Variants in RASAL2 observed in about 807,000 individuals in gnomAD.
The protein encoded by RASAL2 is ras GTPase-activating protein nGAP.
Under a neutral mutation model 128.9 loss-of-function variants are expected in RASAL2, and 58 were observed. The observed-to-expected ratio is 0.45, with a 90% CI of 0.36 to 0.56. The LOEUF (loss-of-function observed/expected upper bound fraction) is 0.56. RASAL2 is among the 20% of genes least tolerant of loss of function. RASAL2 has a pLI of 0.00. For missense variants in RASAL2, 1,360 were observed against 1,601.6 expected (o/e 0.85, Z 2.57); for synonymous variants, 561 against 580.8 (o/e 0.97, Z 0.49).
chr1:178,131,687 A>G (rs1448862728), intron 1 of RASAL2, among the ~76,000 whole-genome samples: 1 of 152,240 alleles, frequency 6.6e-6, no homozygotes, highest in South Asian at 2.1e-4. Flanking sequence ...GCACAAGTTA[A>G]ATGTTAGACT....
At chr1:178,217,877 A>G (rs1003123398) in intron 1 of RASAL2, among the ~76,000 whole-genome samples, 12 of 152,186 alleles carry the variant, frequency 7.9e-5, no homozygotes, top group Non-Finnish European at 1.5e-5. Flanking sequence ...TCTCTTTAGT[A>G]TGCAGTACTG....
intron 3 of RASAL2, among the ~76,000 whole-genome samples, chr1:178,318,037 C>T (rs374470689): frequency 1.3e-5 from 2 of 150,942 alleles, no homozygotes; most frequent in Non-Finnish European, 3.0e-5. Flanking sequence ...TTTCTGCCTT[C>T]ATTTCGTTAT....
chr1:178,235,644 G>A (rs1396680354), intron 1 of RASAL2, among the ~76,000 whole-genome samples: 1 of 152,066 alleles, frequency 6.6e-6, no homozygotes, highest in African/African-American at 2.4e-5. Flanking sequence ...GTATGTATGT[G>A]CAAGTGAGGG....
Position 178,137,765 on chromosome 1 carries a change from T to TA in RASAL2, c.202+43074dup, listed in dbSNP as rs148825847. Reference sequence around the variant, plus strand: ...TCAAATGGTCAACAAAAAGTAGAGTTAAAGATTTTGTGAAATGATTTGTTT... The same window carrying TA: ...TCAAATGGTCAACAAAAAGTAGAGTTAAAAGATTTTGTGAAATGATTTGTTT... On this transcript the variant is annotated intron_variant, in intron 1 of 17. Transcript: ENST00000367649. Among the ~76,000 whole-genome samples the TA allele has an allele frequency of 9.3e-3, 1,419 of 152,340 alleles. 16 individuals are homozygous for TA. The highest frequency in any genetic ancestry group is 0.033 in the African/African-American group (1,356 of 41,570).
intron 3 of RASAL2, among the ~76,000 whole-genome samples, chr1:178,330,249 T>C (rs1669229679): frequency 6.6e-6 from 1 of 152,194 alleles, no homozygotes; most frequent in Non-Finnish European, 1.5e-5. Context: ...TAGATCATAA[T>C]ATGAGTAACA....
At chr1:178,422,621 T>C (rs1171349099) in intron 5 of RASAL2, among the ~76,000 whole-genome samples, 2 of 152,130 alleles carry the variant, frequency 1.3e-5, no homozygotes, top group Non-Finnish European at 2.9e-5. Context: ...AGGTACAAGA[T>C]ATTGATCAGC....
At chr1:178,152,722 A>G (rs1660956188) in intron 1 of RASAL2, among the ~76,000 whole-genome samples, 2 of 152,324 alleles carry the variant, frequency 1.3e-5, no homozygotes, top group South Asian at 2.1e-4. Context: ...AATTTTATAC[A>G]TACACAAAAG....
chr1:178,329,018 T>C (rs1001109504), intron 3 of RASAL2, among the ~76,000 whole-genome samples: 1 of 152,156 alleles, frequency 6.6e-6, no homozygotes, highest in African/African-American at 2.4e-5. Flanking sequence ...ATTCCTCAAA[T>C]ATATATTTTT....
intron 8 of RASAL2, among the ~76,000 whole-genome samples, chr1:178,444,501 A>G (rs1676865695): frequency 6.6e-6 from 1 of 152,146 alleles, no homozygotes; most frequent in African/African-American, 2.4e-5. Flanking sequence ...TATTCCTCCT[A>G]TTTTGGCATT....
At chr1:178,130,656 CAAAAT>C (rs1471165972) in intron 1 of RASAL2, among the ~76,000 whole-genome samples, 6 of 152,156 alleles carry the variant, frequency 3.9e-5, no homozygotes, top group African/African-American at 1.4e-4. Flanking sequence ...TAGGGGGAAA[CAAAAT>C]AAACAAACCT....
intron 15 of RASAL2, 78 bp from the exon 16 acceptor site, chr1:178,465,829 AAAGAAAGAAAGAG>A: frequency 1.9e-6 from 2 of 1,077,488 alleles, no homozygotes; most frequent in South Asian, 2.0e-5. Context: ...AAAAAGAAAA[AAAGAAAGAAAGAG>A]AAAGAAAGAA....
rs190372783 is a variant in RASAL2, at chr1:178,395,265, A to G, written c.564+5059A>G. Among the ~76,000 whole-genome samples, 3 of 152,344 alleles carry G rather than the reference A, an allele frequency of 2.0e-5. No individual in the cohort carries two copies. In the East Asian group the frequency reaches 5.8e-4, roughly 29 times the overall value. On this transcript the variant is annotated intron_variant, in intron 4 of 17. Transcript: ENST00000367649. ...TTTAAAGGTCCCAGATGATTCTAAT[A>G]TGCAGCTAGGGTTGTAAGCCATTTG... is the stretch of plus-strand genomic sequence containing the variant.
At chr1:178,211,012 G>A (rs1189015445) in intron 1 of RASAL2, among the ~76,000 whole-genome samples, 2 of 152,094 alleles carry the variant, frequency 1.3e-5, no homozygotes, top group Admixed American at 6.6e-5. Context: ...TGGGCTAAAG[G>A]GACAGGGATT....
At chr1:178,404,721 G>A (rs1197021819) in intron 4 of RASAL2, among the ~76,000 whole-genome samples, 2 of 130,198 alleles carry the variant, frequency 1.5e-5, no homozygotes, top group African/African-American at 3.0e-5. Context: ...TCGCTCTGTC[G>A]CCCAGGCTGG....
intron 1 of RASAL2, among the ~76,000 whole-genome samples, chr1:178,193,044 T>C (rs1413854630): frequency 6.6e-6 from 1 of 151,968 alleles, no homozygotes; most frequent in Non-Finnish European, 1.5e-5. Context: ...CTTAGTAGGG[T>C]CAAATTTTTA....
chr1:178,249,466 G>A (rs1258059443), intron 1 of RASAL2, among the ~76,000 whole-genome samples: 1 of 151,858 alleles, frequency 6.6e-6, no homozygotes, highest in Non-Finnish European at 1.5e-5. Flanking sequence ...GTTCTTAGCT[G>A]CCTTGCATTG....
intron 3 of RASAL2, among the ~76,000 whole-genome samples, chr1:178,349,868 T>C (rs1670366522): frequency 6.6e-6 from 1 of 152,214 alleles, no homozygotes. Flanking sequence ...CATTGTGAAA[T>C]GTGAAAATAT....
intron 1 of RASAL2, among the ~76,000 whole-genome samples, chr1:178,224,221 A>G (rs1663711704): frequency 6.7e-6 from 1 of 148,302 alleles, no homozygotes; most frequent in Admixed American, 6.7e-5. Flanking sequence ...GGGGAAAACT[A>G]GAATTTTTTT....
At chr1:178,333,297 G>C (rs895435194) in intron 3 of RASAL2, among the ~76,000 whole-genome samples, 1 of 152,168 alleles carries the variant, frequency 6.6e-6, no homozygotes, top group African/African-American at 2.4e-5. Flanking sequence ...AAAGTGCTGG[G>C]ATTACAGGCG....
Sources: allele counts gnomAD v4.1 joint callset (sites outside exome capture counted in the v4.1 genomes callset), GRCh38; gene constraint gnomAD v4.1.1; transcripts MANE v1.5; gene names NCBI Gene and HGNC (gene_info 2026-07-23, HGNC 2026-07-21).